NDUFAF6: variants seen among roughly 807,000 people sequenced by gnomAD.
NDUFAF6 encodes NADH:ubiquinone oxidoreductase complex assembly factor 6.
A neutral mutation model predicts 40.8 loss-of-function variants in NDUFAF6; 45 were observed. The ratio of observed to expected loss-of-function variants is 1.10; its 90% CI spans 0.87 to 1.42. The LOEUF (loss-of-function observed/expected upper bound fraction) is 1.42. NDUFAF6 is among the 40% of genes most tolerant of loss of function. The pLI, the probability that NDUFAF6 is intolerant of heterozygous loss-of-function variation, is 0.00. For synonymous variants in NDUFAF6, 185 were observed against 155.9 expected, an observed-to-expected ratio of 1.19 and a Z score of -1.39; for missense variants, 435 against 418.5, an observed-to-expected ratio of 1.04 and a Z score of -0.34.
At position 94,915,093 on chromosome 8, in the gene NDUFAF6, C is replaced by A. The variant is rs564910258; in HGVS notation, c.-936+19166C>A. ...ATTCCCCCCTCCCCGCTTTTGGAGT[C>A]CCCAGTGTCTGTTGTTCGCATCTTA... On this transcript the variant is annotated intron_variant, in intron 1 of 14. Transcript: ENST00000396113. Among the ~76,000 whole-genome samples, 4 of 151,970 alleles carry A rather than the reference C, an allele frequency of 2.6e-5. No individual in the cohort carries two copies. The South Asian group carries it at 8.3e-4, about 32-fold the overall frequency.
At chr8:94,984,767 G>A (rs775023333) in intron 2 of NDUFAF6, among the ~76,000 whole-genome samples, 77 of 152,206 alleles carry the variant, frequency 5.1e-4, no homozygotes, top group Non-Finnish European at 5.7e-4. Flanking sequence ...TCATGTACAC[G>A]GATGGGAGAG....
intron 1 of NDUFAF6, among the ~76,000 whole-genome samples, chr8:94,897,565 C>T (rs1450632198): frequency 6.6e-6 from 1 of 152,082 alleles, no homozygotes; most frequent in Non-Finnish European, 1.5e-5. Flanking sequence ...AAACTGTTGG[C>T]CTCTACCATG....
chr8:94,962,822 G>A (rs1056260060), intron 1 of NDUFAF6, among the ~76,000 whole-genome samples: 1 of 142,728 alleles, frequency 7.0e-6, no homozygotes, highest in African/African-American at 2.6e-5. Context: ...ATGGAGTCTC[G>A]CTGTGTTGCC....
chr8:94,933,719 C>T (rs573467355), intron 1 of NDUFAF6, among the ~76,000 whole-genome samples: 30 of 144,988 alleles, frequency 2.1e-4, no homozygotes, highest in African/African-American at 5.4e-4. Context: ...GAGCTGAGAT[C>T]GCGCCACTGC....
intron 1 of NDUFAF6, among the ~76,000 whole-genome samples, chr8:94,935,572 AG>A (rs1820900304): frequency 6.6e-6 from 1 of 152,220 alleles, no homozygotes. Flanking sequence ...CAAATGGGCA[AG>A]GATCTATTTC....
chr8:95,032,136 G>A (rs766560190), intron 2 of NDUFAF6, 42 bp downstream of exon 2: 8 of 1,500,564 alleles, frequency 5.3e-6, no homozygotes, highest in Admixed American at 5.0e-5. Flanking sequence ...GCGAAATGGT[G>A]ATATAAGGTG....
chr8:94,931,809 T>TA (rs1351716498), intron 1 of NDUFAF6, among the ~76,000 whole-genome samples: 1 of 151,960 alleles, frequency 6.6e-6, no homozygotes, highest in Non-Finnish European at 1.5e-5. Context: ...CCATCTCTAC[T>TA]AAAAATACAA....
intron 1 of NDUFAF6, among the ~76,000 whole-genome samples, chr8:94,970,177 C>T (rs1051274176): frequency 7.0e-5 from 10 of 142,036 alleles, no homozygotes; most frequent in Non-Finnish European, 1.5e-5. Flanking sequence ...ATCGCTTGAA[C>T]GTGGGAGGTA....
chr8:95,086,373 A>G (rs1423239122), intron 2 of NDUFAF6, among the ~76,000 whole-genome samples: 1 of 152,224 alleles, frequency 6.6e-6, no homozygotes, highest in Admixed American at 6.5e-5. Flanking sequence ...ATGGCACCCC[A>G]GATGCACTTT....
chr8:95,080,580 A>G (rs1187924903), downstream of NDUFAF6, among the ~76,000 whole-genome samples: 1 of 27,900 alleles, frequency 3.6e-5, no homozygotes, highest in Admixed American at 3.4e-4. Context: ...TTGGTAGTGT[A>G]TTTTTGTAGT....
At chr8:94,979,495 A>G (rs1237759044) in intron 1 of NDUFAF6, among the ~76,000 whole-genome samples, 1 of 152,022 alleles carries the variant, frequency 6.6e-6, no homozygotes, top group Non-Finnish European at 1.5e-5. Context: ...CTTTTAAAAA[A>G]TCTCTTCCTG....
intron 2 of NDUFAF6, among the ~76,000 whole-genome samples, chr8:94,999,438 G>C (rs1197964464): frequency 6.9e-6 from 1 of 145,002 alleles, no homozygotes; most frequent in African/African-American, 2.6e-5. Flanking sequence ...TTTCTTTTGA[G>C]ATGGAGTCTT....
At chr8:94,929,442 G>A (rs1820184308) in intron 1 of NDUFAF6, 1 of 151,490 alleles carries the variant, frequency 6.6e-6, no homozygotes, top group African/African-American at 2.4e-5. Flanking sequence ...GAAAAAAGTT[G>A]AGCCAACCTG....
intron 1 of NDUFAF6, chr8:94,928,305 GA>G (rs1204318426): frequency 2.6e-5 from 4 of 152,232 alleles, no homozygotes; most frequent in African/African-American, 9.6e-5. Flanking sequence ...TCTCATGGCT[GA>G]ACTTCTGTAG....
chr8:94,944,393 C>T (rs562546739), intron 1 of NDUFAF6, among the ~76,000 whole-genome samples: 1 of 152,334 alleles, frequency 6.6e-6, no homozygotes, highest in South Asian at 2.1e-4. Context: ...CAAATTGCCC[C>T]CTCTGGCCAC....
chr8:95,052,154 C>T lies in NDUFAF6; in HGVS notation c.817-20C>T. On this transcript the variant is annotated intron_variant, in intron 7 of 8. Coordinates refer to ENST00000396124, the MANE Select transcript of NDUFAF6 (RefSeq NM_152416.4). Reference sequence around the variant, plus strand: ...TATTTGCTTAATTTTGAACGAGCTTCCTCTCCTCTTCCTTTTTAGGCTAGG... The same window carrying T: ...TATTTGCTTAATTTTGAACGAGCTTTCTCTCCTCTTCCTTTTTAGGCTAGG... The T allele has an allele frequency of 6.2e-7, 1 of 1,613,762 alleles. No homozygotes were observed. The highest frequency in any genetic ancestry group is 8.5e-7 in the Non-Finnish European group (1 of 1,179,746).
intron 5 of NDUFAF6, 45 bp downstream of exon 5, chr8:95,045,692 C>G: frequency 6.8e-7 from 1 of 1,463,774 alleles, no homozygotes; most frequent in East Asian, 2.3e-5. Flanking sequence ...CAATAAAATA[C>G]CTATGAGATT....
At chr8:95,083,490 C>A (rs1808943504) in intron 2 of NDUFAF6, among the ~76,000 whole-genome samples, 1 of 152,206 alleles carries the variant, frequency 6.6e-6, no homozygotes, top group Admixed American at 6.5e-5. Context: ...CATGCCTACT[C>A]ATCTAGAACA....
intron 2 of NDUFAF6, among the ~76,000 whole-genome samples, chr8:95,013,734 T>C (rs2131678473): frequency 6.6e-6 from 1 of 152,310 alleles, no homozygotes; most frequent in Admixed American, 6.5e-5. Flanking sequence ...CAGATGGTGA[T>C]ATATACTGCA....
Sources: gnomAD v4.1 joint callset for allele counts (sites outside exome capture counted in the v4.1 genomes callset) on GRCh38, gnomAD v4.1.1 for gene constraint, MANE v1.5 for transcripts, NCBI Gene and HGNC (gene_info 2026-07-23, HGNC 2026-07-21) for gene names.